The following RDH10 variants were observed in gnomAD, a reference collection of about 807,000 sequenced individuals.
The protein encoded by RDH10 is retinol dehydrogenase 10, also known as retinol dehydrogenase 10 (all-trans).
In RDH10, 12 loss-of-function variants were observed where a neutral mutation model predicts 30.2. That is an observed-to-expected ratio of 0.40 (90% CI 0.25 to 0.64). The LOEUF is 0.64. Ranked by LOEUF, RDH10 falls within the 30% of genes least tolerant of loss-of-function variation. The pLI, the probability that RDH10 is intolerant of heterozygous loss-of-function variation, is 0.43. For missense variants in RDH10, 268 were observed against 445.2 expected (o/e 0.60, Z 3.58); for synonymous variants, 189 against 172.2 (o/e 1.10, Z -0.76).
chr8:73,306,182 A>G lies in RDH10; in HGVS notation c.525+8753A>G, dbSNP rs981686138. ...TGTTCAGAGCCTAGGCTGACAGAGC[A>G]TGGCCTTGGGATTCATTTGCCTTGA... On this transcript the variant is annotated intron_variant, in intron 2 of 5. Coordinates refer to ENST00000240285, the MANE Select transcript of RDH10 (RefSeq NM_172037.5). Among the ~76,000 whole-genome samples the G allele has an allele frequency of 2.6e-5, 4 of 152,360 alleles. No homozygotes were observed. In the South Asian group the frequency reaches 8.3e-4, roughly 32 times the overall value.
At chr8:73,300,019 A>G (rs1814347184) in intron 2 of RDH10, among the ~76,000 whole-genome samples, 1 of 152,206 alleles carries the variant, frequency 6.6e-6, no homozygotes. Context: ...TCCTAGAGTC[A>G]TCACTGTGCT....
chr8:73,315,139 CG>C (rs1814636888), intron 2 of RDH10, among the ~76,000 whole-genome samples: 1 of 136,462 alleles, frequency 7.3e-6, no homozygotes, highest in African/African-American at 2.8e-5. Context: ...CTCTCCCCAC[CG>C]GCCTCCTCTC....
Position 73,321,794 on chromosome 8 carries a change from C to T in RDH10, c.770+717C>T, listed in dbSNP as rs529232103. ...GCAAAGGAAGATAACCAAACCAGTT[C>T]CCTGTTGGTTGGGGGCCATTCTTAA... On this transcript the variant is annotated intron_variant, in intron 4 of 5. Transcript: ENST00000240285. The T allele has an allele frequency of 2.2e-5, 10 of 456,200 alleles. No individual in the cohort carries two copies. In the East Asian group the frequency reaches 6.3e-4, roughly 29 times the overall value. 28.3% of individuals were successfully genotyped at this position (456,200 alleles called of 1,614,324 possible). A position where few individuals can be genotyped will look rare whatever the true frequency, so the allele number is the denominator to read the frequency against.
intron 2 of RDH10, among the ~76,000 whole-genome samples, chr8:73,308,767 A>G (rs999924302): frequency 6.6e-6 from 1 of 152,166 alleles, no homozygotes; most frequent in Admixed American, 6.5e-5. Flanking sequence ...ACCAGGCTTT[A>G]CCTGATAAAT....
chr8:73,295,973 A>C (rs1268711313), intron 1 of RDH10: 2 of 325,318 alleles, frequency 6.1e-6, no homozygotes, highest in Non-Finnish European at 9.4e-6. Context: ...GACTAGACTG[A>C]AGAAGTGTCT....
intron 4 of RDH10, chr8:73,321,654 T>C (rs1371546384): frequency 2.4e-5 from 9 of 369,688 alleles, no homozygotes; most frequent in Admixed American, 6.9e-5. Flanking sequence ...TATGGGAATA[T>C]AAATGTCAAG....
In RDH10 at chr8:73,295,422, G is replaced by C; in HGVS notation, c.133G>C (p.Gly45Arg). ...AGQVCLITGAGSGLGRLFALE... is the reference protein window; with the variant it reads ...AGQVCLITGARSGLGRLFALE... ...CCAGGTGTGCCTCATCACCGGCGCCGGCAGCGGCCTGGGCCGCCTCTTCGC... is the reference window on the plus strand; with the variant it reads ...CCAGGTGTGCCTCATCACCGGCGCCCGCAGCGGCCTGGGCCGCCTCTTCGC... The change falls in exon 1 of 6, where the codon GGC becomes CGC. Residue 45 changes from glycine (G) to arginine (R), a missense_variant. Around this residue, in one of 4 missense-constraint regions of RDH10, gnomAD observed 42 missense variants for 77.6 expected, o/e 0.54. Transcript: ENST00000240285. The C allele has an allele frequency of 6.5e-7, 1 of 1,547,948 alleles. No homozygotes were observed. Among genetic ancestry groups the C allele is most frequent in the Non-Finnish European group, 8.7e-7 (1 of 1,147,814 alleles).
chr8:73,295,551 G>A lies in RDH10; in HGVS notation c.262G>A (p.Glu88Lys), dbSNP rs771306889. The A allele has an allele frequency of 7.5e-5, 116 of 1,540,986 alleles. No homozygotes were observed. The highest frequency in any genetic ancestry group is 9.8e-5 in the Non-Finnish European group (112 of 1,144,948). ...GMVRHIYRDL[E>K]AADAAALQAG... ...GGTGCGCCACATCTACCGCGACCTG[G>A]AGGCGGCCGACGCCGCTGCGCTGCA... The change falls in exon 1 of 6, where the codon GAG (glutamate) becomes AAG (lysine). Residue 88 changes from glutamate to lysine, a missense_variant. Glu to Lys is a moderately conservative substitution (Grantham distance 56). Coordinates refer to ENST00000240285, the MANE Select transcript of RDH10 (RefSeq NM_172037.5).
intron 2 of RDH10, among the ~76,000 whole-genome samples, chr8:73,298,309 T>C (rs1563546391): frequency 6.6e-6 from 1 of 152,188 alleles, no homozygotes; most frequent in African/African-American, 2.4e-5. Flanking sequence ...ACTTTTTTTT[T>C]CCATAGGCGG....
At chr8:73,316,586 TGAG>T (rs551638686) in intron 2 of RDH10, among the ~76,000 whole-genome samples, 96 of 152,290 alleles carry the variant, frequency 6.3e-4, no homozygotes, top group African/African-American at 2.2e-3. Flanking sequence ...AATGCAGTAA[TGAG>T]AAGTGTGTTC....
intron 2 of RDH10, among the ~76,000 whole-genome samples, chr8:73,318,111 C>G (rs17214921): frequency 0.21 from 32,035 of 152,090 alleles, 3,408 homozygotes; most frequent in Middle Eastern, 0.23. Context: ...TAGGAGATAA[C>G]TCAGCAGTAG....
At chr8:73,317,044 C>T (rs1349187142) in intron 2 of RDH10, among the ~76,000 whole-genome samples, 1 of 152,194 alleles carries the variant, frequency 6.6e-6, no homozygotes, top group African/African-American at 2.4e-5. Context: ...GTGCCTGTCT[C>T]AGTGTAGCAA....
intron 2 of RDH10, 74 bp downstream of exon 2, chr8:73,297,503 T>A (rs898962360): frequency 9.8e-6 from 11 of 1,124,890 alleles, no homozygotes; most frequent in Non-Finnish European, 1.5e-5. Context: ...GAGACTTCAG[T>A]GCCAGCCTGA....
chr8:73,320,480 T>C (rs796676774), intron 3 of RDH10, among the ~76,000 whole-genome samples: 171 of 112,574 alleles, frequency 1.5e-3, no homozygotes, highest in Non-Finnish European at 2.4e-3. Flanking sequence ...TTTTTGTTTT[T>C]TTTTTTTTGA....
At chr8:73,303,576 A>C (rs58287142) in intron 2 of RDH10, among the ~76,000 whole-genome samples, 29,741 of 152,202 alleles carry the variant, frequency 0.2, 2,962 homozygotes, top group Middle Eastern at 0.23. Context: ...TATATGTCAT[A>C]TGTATAAAAA....
chr8:73,303,123 A>G (rs1412971108), intron 2 of RDH10, among the ~76,000 whole-genome samples: 9 of 151,994 alleles, frequency 5.9e-5, no homozygotes, highest in Admixed American at 3.9e-4. Flanking sequence ...TACTGAATTA[A>G]GCATTTATCT....
At chr8:73,303,254 CAT>C (rs1039814133) in intron 2 of RDH10, among the ~76,000 whole-genome samples, 1 of 152,194 alleles carries the variant, frequency 6.6e-6, no homozygotes, top group Non-Finnish European at 1.5e-5. Flanking sequence ...CCTAATATCT[CAT>C]AAATGGTCCC....
At chr8:73,306,481 CAG>C (rs970529777) in intron 2 of RDH10, among the ~76,000 whole-genome samples, 23 of 152,204 alleles carry the variant, frequency 1.5e-4, no homozygotes, top group African/African-American at 5.3e-4. Context: ...AAGTGAGCCA[CAG>C]GGGGAAAAAA....
chr8:73,295,802 T>C, intron 1 of RDH10: 2 of 1,143,370 alleles, frequency 1.7e-6, no homozygotes, highest in Non-Finnish European at 2.3e-6. Flanking sequence ...AGGTTCGGTC[T>C]CTGGGGACCA....
Sources: allele counts gnomAD v4.1 joint callset (sites outside exome capture counted in the v4.1 genomes callset), GRCh38; gene constraint gnomAD v4.1.1; regional missense constraint gnomAD v4.1.1; transcripts MANE v1.5; gene names NCBI Gene and HGNC (gene_info 2026-07-23, HGNC 2026-07-21).